The following ITSN1 variants were observed in gnomAD, a reference collection of about 807,000 sequenced individuals.
The protein encoded by ITSN1 is intersectin 1.
ITSN1 carries 58 observed loss-of-function variants against 239.8 expected under a neutral mutation model. The observed-to-expected ratio is 0.24, with a 90% CI of 0.20 to 0.30. The LOEUF (loss-of-function observed/expected upper bound fraction) is 0.30, where lower values mean the gene tolerates loss of function less well. ITSN1 is among the 10% of genes least tolerant of loss of function. ITSN1 has a pLI of 1.00. For synonymous variants in ITSN1, 780 were observed against 770.8 expected (o/e 1.01, Z -0.20); for missense variants, 1,558 against 2,103.3 (o/e 0.74, Z 5.07).
chr21:33,730,620 T>A (rs867267753), intron 4 of ITSN1, among the ~76,000 whole-genome samples: 4 of 152,142 alleles, frequency 2.6e-5, no homozygotes, highest in Middle Eastern at 6.8e-3. Context: ...CAGGCTGGTC[T>A]TGAACTCCTG....
intron 1 of ITSN1, among the ~76,000 whole-genome samples, chr21:33,646,269 AAG>A (rs2087940309): frequency 6.6e-6 from 1 of 152,210 alleles, no homozygotes; most frequent in Non-Finnish European, 1.5e-5. Context: ...ATTAGCCAGA[AAG>A]AAGATTCAGA....
intron 20 of ITSN1, among the ~76,000 whole-genome samples, chr21:33,806,422 C>T (rs543422201): frequency 6.6e-6 from 1 of 152,176 alleles, no homozygotes; most frequent in African/African-American, 2.4e-5. Flanking sequence ...CTGCTTCCCC[C>T]CTTTGTGACA....
intron 27 of ITSN1, among the ~76,000 whole-genome samples, chr21:33,831,187 G>T (rs1364897996): frequency 6.6e-6 from 1 of 152,196 alleles, no homozygotes; most frequent in Non-Finnish European, 1.5e-5. Flanking sequence ...TGCCAGGCGG[G>T]CACCTGGCCA....
chr21:33,701,303 G>A (rs1380420187), intron 1 of ITSN1, among the ~76,000 whole-genome samples: 6 of 151,924 alleles, frequency 3.9e-5, no homozygotes, highest in African/African-American at 7.3e-5. Flanking sequence ...GTTTTGCCAC[G>A]TCACCCAGAA....
chr21:33,804,915 G>T (rs1172983796), intron 20 of ITSN1, among the ~76,000 whole-genome samples: 1 of 152,214 alleles, frequency 6.6e-6, no homozygotes, highest in African/African-American at 2.4e-5. Flanking sequence ...TTTGTGTTGG[G>T]CCTCATTAAA....
chr21:33,750,032 G>T, intron 5 of ITSN1, 111 bp from the exon 6 acceptor site: 2 of 993,190 alleles, frequency 2.0e-6, no homozygotes, highest in South Asian at 2.8e-5. Context: ...ATTTTAATTG[G>T]AATATATTAC....
At chr21:33,768,247 A>G (rs1354905301) in intron 11 of ITSN1, among the ~76,000 whole-genome samples, 1 of 152,026 alleles carries the variant, frequency 6.6e-6, no homozygotes, top group East Asian at 1.9e-4. Context: ...TAATTGCAGG[A>G]ACCTATTTTA....
chr21:33,706,690 T>A (rs950745386), intron 1 of ITSN1, among the ~76,000 whole-genome samples: 5 of 152,176 alleles, frequency 3.3e-5, no homozygotes, highest in Non-Finnish European at 7.4e-5. Context: ...CTTAACTTGC[T>A]CAGAAGCCTT....
At position 33,818,489 on chromosome 21, in the gene ITSN1, C is replaced by T. The variant is rs756804700; in HGVS notation, c.2933+17C>T. ...GTCTACAAGGTATTTTTGTATTTATCTGCTTGTATTTGATGAAAACAATAT... is the reference window on the plus strand; with the variant it reads ...GTCTACAAGGTATTTTTGTATTTATTTGCTTGTATTTGATGAAAACAATAT... On this transcript the variant is annotated intron_variant, in intron 23 of 39. Coordinates refer to ENST00000381318, the MANE Select transcript of ITSN1 (RefSeq NM_003024.3). 22 of 1,589,022 alleles carry T rather than the reference C, an allele frequency of 1.4e-5. No individual in the cohort carries two copies. In the South Asian group the frequency reaches 2.3e-4, roughly 17 times the overall value.
chr21:33,773,825 G>T (rs952857372), intron 12 of ITSN1, among the ~76,000 whole-genome samples: 1 of 152,066 alleles, frequency 6.6e-6, no homozygotes, highest in East Asian at 1.9e-4. Context: ...GATTACAGGC[G>T]TGAGCCACCA....
Position 33,710,570 on chromosome 21 carries a change from A to G in ITSN1, c.-32-8227A>G, listed in dbSNP as rs58094188. ...CCTTTTTATATAATATTGATGTTCA[A>G]TTTTTAATTTTTGTGAATGATTTTT... On this transcript the variant is annotated intron_variant, in intron 1 of 39. Transcript: ENST00000381318. Among the ~76,000 whole-genome samples the G allele has an allele frequency of 2.8e-3, 428 of 151,988 alleles. 1 individual carries two copies. The highest frequency in any genetic ancestry group is 9.3e-3 in the African/African-American group (387 of 41,504).
At chr21:33,680,870 A>G (rs1439715642) in intron 1 of ITSN1, among the ~76,000 whole-genome samples, 9 of 152,222 alleles carry the variant, frequency 5.9e-5, no homozygotes, top group Non-Finnish European at 8.8e-5. Flanking sequence ...CTCGTAGGTT[A>G]TTTAATATTC....
intron 26 of ITSN1, 140 bp from the exon 27 acceptor site, chr21:33,829,484 T>C: frequency 1.2e-6 from 1 of 866,042 alleles, no homozygotes; most frequent in Non-Finnish European, 1.8e-6. Flanking sequence ...TCAGGGAGCC[T>C]TACTCGTTGG....
At chr21:33,724,758 A>G (rs1601850250) in intron 4 of ITSN1, among the ~76,000 whole-genome samples, 1 of 152,210 alleles carries the variant, frequency 6.6e-6, no homozygotes. Flanking sequence ...CAACACAAAA[A>G]TTGTCACATG....
At chr21:33,818,210 C>A in intron 22 of ITSN1, 57 bp from the exon 23 acceptor site, 1 of 1,458,666 alleles carries the variant, frequency 6.9e-7, no homozygotes, top group Non-Finnish European at 9.6e-7. Context: ...TCACGTCTGC[C>A]CTAATTGATA....
intron 1 of ITSN1, among the ~76,000 whole-genome samples, chr21:33,699,181 C>T (rs1323087568): frequency 6.6e-6 from 1 of 152,080 alleles, no homozygotes; most frequent in African/African-American, 2.4e-5. Context: ...TTGGACATTT[C>T]TTTCCCCTCA....
In ITSN1 at chr21:33,896,920, TTTGA is replaced by T. The variant is rs1181580039; in HGVS notation, c.*8625_*8628del. 2.0e-5 allele frequency: 3 copies of T among 152,242 alleles called. No homozygotes were observed. Among genetic ancestry groups the T allele is most frequent in the African/African-American group, 7.2e-5 (3 of 41,472 alleles). 9.4% of individuals were successfully genotyped at this position (152,242 alleles called of 1,614,324 possible). ...AAATTGCAAACTCATCTCACCTGGA[TTTGA>T]TTGAGTCACCTTGAATGACATAACA... is the stretch of plus-strand genomic sequence containing the variant. On this transcript the variant is annotated 3_prime_UTR_variant, in exon 40 of 40. Transcript: ENST00000381318.
intron 22 of ITSN1, among the ~76,000 whole-genome samples, chr21:33,816,491 T>A (rs1345846078): frequency 6.6e-6 from 1 of 152,168 alleles, no homozygotes; most frequent in Non-Finnish European, 1.5e-5. Flanking sequence ...TCAGAGAGAT[T>A]AAACAGTTGC....
intron 22 of ITSN1, 128 bp downstream of exon 22, chr21:33,814,200 T>G: frequency 3.1e-6 from 3 of 965,376 alleles, no homozygotes; most frequent in Non-Finnish European, 4.4e-6. Context: ...GCTGGCAGTA[T>G]GGGAATCCAG....
Sources: gnomAD v4.1 joint callset for allele counts (sites outside exome capture counted in the v4.1 genomes callset) on GRCh38, gnomAD v4.1.1 for gene constraint, MANE v1.5 for transcripts, NCBI Gene and HGNC (gene_info 2026-07-23, HGNC 2026-07-21) for gene names.